MSH3: variants seen among roughly 807,000 people sequenced by gnomAD.
MSH3 encodes mutS homolog 3.
Under a neutral mutation model 123.3 loss-of-function variants are expected in MSH3, and 106 were observed. The ratio of observed to expected loss-of-function variants is 0.86; its 90% CI spans 0.73 to 1.01. The LOEUF (loss-of-function observed/expected upper bound fraction) is 1.01, where lower values mean the gene tolerates loss of function less well. Among genes scored for constraint, MSH3 ranks in the 50% least tolerant of loss-of-function variants. MSH3 has a pLI of 0.00. For synonymous variants in MSH3, 515 were observed against 481.4 expected (o/e 1.07, Z -0.91); for missense variants, 1,459 against 1,347.6 (o/e 1.08, Z -1.29).
At chr5:80,762,252 A>G (rs1269135858) in intron 13 of MSH3, among the ~76,000 whole-genome samples, 1 of 152,072 alleles carries the variant, frequency 6.6e-6, no homozygotes, top group Non-Finnish European at 1.5e-5. Flanking sequence ...CTAAAATTAA[A>G]AAAATTATTA....
rs145983835 is a variant in MSH3, at chr5:80,691,252, A to C, written c.1340+12159A>C. ...TAATAAGAATTCAGCAATGCCATTAAATATAAGATCAGTTTATAAAAATGA... is the reference window on the plus strand; with the variant it reads ...TAATAAGAATTCAGCAATGCCATTACATATAAGATCAGTTTATAAAAATGA... On this transcript the variant is annotated intron_variant, in intron 8 of 23. Coordinates refer to ENST00000265081, the MANE Select transcript of MSH3 (RefSeq NM_002439.5). 3.0e-3 allele frequency among the ~76,000 whole-genome samples: 451 copies of C among 152,144 alleles called. 4 individuals carry two copies. The highest frequency in any genetic ancestry group is 0.01 in the African/African-American group (430 of 41,538).
intron 8 of MSH3, among the ~76,000 whole-genome samples, chr5:80,691,666 G>A (rs1479213443): frequency 6.7e-6 from 1 of 149,978 alleles, no homozygotes; most frequent in Non-Finnish European, 1.5e-5. Flanking sequence ...ATAGATCAAA[G>A]GGCCAATAAT....
In MSH3 at chr5:80,725,433, AT is replaced by A. The variant is rs1171861908; in HGVS notation, c.1341-16del. The A allele has an allele frequency of 1.3e-6, 2 of 1,569,188 alleles. No homozygotes were observed. The highest frequency in any genetic ancestry group is 2.2e-5 in the South Asian group (2 of 90,180). On this transcript the variant is annotated intron_variant, in intron 8 of 23. Coordinates refer to ENST00000265081, the MANE Select transcript of MSH3 (RefSeq NM_002439.5). Reference sequence around the variant, plus strand: ...TGATAATGGATAAGTTATCTTTGAAATTTTCCTTTTTTCTTTCAGTGTGCAG... The same window carrying A: ...TGATAATGGATAAGTTATCTTTGAAATTTCCTTTTTTCTTTCAGTGTGCAG...
At chr5:80,745,977 G>T (rs1332239411) in intron 12 of MSH3, among the ~76,000 whole-genome samples, 1 of 151,466 alleles carries the variant, frequency 6.6e-6, no homozygotes, top group East Asian at 1.9e-4. Context: ...TTTTTCTTTT[G>T]CAAGTTTTTT....
intron 19 of MSH3, among the ~76,000 whole-genome samples, chr5:80,806,753 GA>G (rs35032609): frequency 7.2e-5 from 11 of 152,200 alleles, no homozygotes; most frequent in East Asian, 1.9e-4. Context: ...TTAATTGGGG[GA>G]AAAAAATTGA....
At chr5:80,694,500 A>G (rs1201326802) in intron 8 of MSH3, among the ~76,000 whole-genome samples, 4 of 152,126 alleles carry the variant, frequency 2.6e-5, no homozygotes, top group African/African-American at 9.7e-5. Flanking sequence ...AAAGCGTTAT[A>G]ATTTTTCCTT....
Position 80,673,716 on chromosome 5 carries a change from G to A in MSH3, c.1027+858G>A, listed in dbSNP as rs371757766. On this transcript the variant is annotated intron_variant, in intron 6 of 23. Transcript: ENST00000265081. Reference sequence around the variant, plus strand: ...TGGGTGAAGTTTTCTCACTTGGTAAGAATTTTCAATGTGCATAATGATTGC... The same window carrying A: ...TGGGTGAAGTTTTCTCACTTGGTAAAAATTTTCAATGTGCATAATGATTGC... Among the ~76,000 whole-genome samples the A allele has an allele frequency of 3.2e-4, 48 of 152,266 alleles. No individual in the cohort carries two copies. The South Asian group carries it at 9.5e-3, about 30-fold the overall frequency.
At chr5:80,687,758 T>G (rs1239196827) in intron 8 of MSH3, among the ~76,000 whole-genome samples, 4 of 152,162 alleles carry the variant, frequency 2.6e-5, no homozygotes, top group African/African-American at 9.7e-5. Flanking sequence ...TATGGATTCC[T>G]GTAGAAGGCA....
intron 2 of MSH3, among the ~76,000 whole-genome samples, chr5:80,664,896 CA>C (rs984589640): frequency 2.2e-4 from 34 of 151,458 alleles, no homozygotes; most frequent in African/African-American, 8.2e-4. Context: ...AAAACAAAAA[CA>C]AAAAAGAAAA....
chr5:80,691,972 TATAG>T lies in MSH3; in HGVS notation c.1340+12883_1340+12886del, dbSNP rs1206547968. On this transcript the variant is annotated intron_variant, in intron 8 of 23. Transcript: ENST00000265081. ...ATATAGATAAACATGTATATGTTTA[TATAG>T]ATAAACATGTATATGTTTAGATAGA... is the stretch of plus-strand genomic sequence containing the variant. Among the ~76,000 whole-genome samples the T allele has an allele frequency of 7.7e-4, 35 of 45,684 alleles. 7 individuals carry two copies. Among genetic ancestry groups the T allele is most frequent in the African/African-American group, 3.0e-3 (33 of 10,994 alleles). The allele number at this position is 45,684 out of a possible 152,430, so 30.0% of individuals were successfully genotyped here.
intron 7 of MSH3, among the ~76,000 whole-genome samples, chr5:80,676,396 G>T (rs1373315116): frequency 1.3e-5 from 2 of 152,152 alleles, no homozygotes; most frequent in Non-Finnish European, 2.9e-5. Context: ...GACTTACGTG[G>T]ACTCTGCTAA....
At chr5:80,758,539 C>T (rs1743970441) in intron 12 of MSH3, among the ~76,000 whole-genome samples, 1 of 152,100 alleles carries the variant, frequency 6.6e-6, no homozygotes, top group Non-Finnish European at 1.5e-5. Flanking sequence ...ACTTCTGAGC[C>T]CAAGTTGGTA....
chr5:80,731,978 C>T (rs575658538), intron 10 of MSH3, among the ~76,000 whole-genome samples: 2 of 152,094 alleles, frequency 1.3e-5, no homozygotes, highest in Admixed American at 6.5e-5. Context: ...TCATGATATA[C>T]GTTTATTTAA....
At chr5:80,744,420 T>C in intron 11 of MSH3, 86 bp from the exon 12 acceptor site, 1 of 924,044 alleles carries the variant, frequency 1.1e-6, no homozygotes, top group Non-Finnish European at 1.7e-6. Flanking sequence ...TAGGTATATA[T>C]GACATTTAGA....
intron 13 of MSH3, 47 bp from the exon 14 acceptor site, chr5:80,767,886 T>G (rs1248459192): frequency 1.4e-6 from 2 of 1,449,344 alleles, no homozygotes; most frequent in Admixed American, 1.7e-5. Context: ...TTAAACTTCA[T>G]TTTCATGTAT....
At position 80,775,696 on chromosome 5, in the gene MSH3, T is replaced by G. The variant is rs1423667148; in HGVS notation, c.2256T>G (p.Phe752Leu). Residue 752 changes from phenylalanine to leucine, a missense_variant and splice_region_variant, in exon 16 of 24, where the codon TTT (phenylalanine) becomes TTG (leucine). By Grantham distance (22) the Phe-to-Leu change is conservative. Coordinates refer to ENST00000265081, the MANE Select transcript of MSH3 (RefSeq NM_002439.5). ...CTGTTTATTTGTATTTGTTTTAGTTTATGATAGAAATAAAGAACTCTGCTG... is the reference window on the plus strand; with the variant it reads ...CTGTTTATTTGTATTTGTTTTAGTTGATGATAGAAATAAAGAACTCTGCTG... ...AQYVTVSGQE[F>L]MIEIKNSAVS... 4.6e-6 allele frequency: 7 copies of G among 1,519,726 alleles called. No individual in the cohort carries two copies. The highest frequency in any genetic ancestry group is 6.4e-6 in the Non-Finnish European group (7 of 1,094,952). 94.1% of individuals were successfully genotyped at this position (1,519,726 alleles called of 1,614,324 possible).
At chr5:80,784,322 G>A (rs1744466461) in intron 17 of MSH3, among the ~76,000 whole-genome samples, 1 of 151,478 alleles carries the variant, frequency 6.6e-6, no homozygotes, top group Non-Finnish European at 1.5e-5. Context: ...CTCGGGTTTA[G>A]GGTGACTCTT....
At chr5:80,842,363 G>A (rs991265589) in intron 20 of MSH3, among the ~76,000 whole-genome samples, 10 of 152,096 alleles carry the variant, frequency 6.6e-5, no homozygotes, top group Non-Finnish European at 1.5e-4. Context: ...TGTTCTTTTT[G>A]CTTAGGATTG....
intron 20 of MSH3, among the ~76,000 whole-genome samples, chr5:80,843,386 C>T (rs1008661953): frequency 2.0e-5 from 3 of 152,152 alleles, no homozygotes; most frequent in Admixed American, 6.5e-5. Flanking sequence ...GTGTCTCTGC[C>T]AGGTTTTGGT....
Sources: allele counts gnomAD v4.1 joint callset (sites outside exome capture counted in the v4.1 genomes callset), GRCh38; gene constraint gnomAD v4.1.1; transcripts MANE v1.5; gene names NCBI Gene and HGNC (gene_info 2026-07-23, HGNC 2026-07-21).